Variants in R3HDM1 observed in about 807,000 individuals in gnomAD.
The protein encoded by R3HDM1 is R3H domain-containing protein 1.
A neutral mutation model predicts 141.1 loss-of-function variants in R3HDM1; 46 were observed. The ratio of observed to expected loss-of-function variants is 0.33; its 90% CI spans 0.26 to 0.42. The LOEUF is 0.42. Ranked by LOEUF, R3HDM1 falls within the 10% of genes least tolerant of loss-of-function variation. The pLI, the probability that R3HDM1 is intolerant of heterozygous loss-of-function variation, is 1.00. For synonymous variants in R3HDM1, 435 were observed against 472.9 expected (o/e 0.92, Z 1.04); for missense variants, 1,184 against 1,368.3 (o/e 0.87, Z 2.12).
chr2:135,624,943 CAG>C (rs1271115624), intron 7 of R3HDM1, among the ~76,000 whole-genome samples: 2 of 152,166 alleles, frequency 1.3e-5, no homozygotes, highest in African/African-American at 2.4e-5. Context: ...ATAGCAAAAA[CAG>C]GGCCTGGTGG....
At chr2:135,623,097 G>A (rs1356465939) in intron 7 of R3HDM1, 1 of 931,266 alleles carries the variant, frequency 1.1e-6, no homozygotes, top group Non-Finnish European at 1.3e-6. Context: ...AGTTTTTGAA[G>A]TTTTTAAATG....
chr2:135,615,156 T>C (rs529481914), intron 3 of R3HDM1, among the ~76,000 whole-genome samples: 1 of 152,306 alleles, frequency 6.6e-6, no homozygotes, highest in South Asian at 2.1e-4. Flanking sequence ...TGAAGAACTT[T>C]TGGCTCAAAA....
intron 18 of R3HDM1, among the ~76,000 whole-genome samples, chr2:135,659,049 C>CTGTG (rs548436817): frequency 0.026 from 3,340 of 126,424 alleles, 75 homozygotes; most frequent in African/African-American, 0.063. Context: ...CTACCTGAGT[C>CTGTG]TGTGTGTGTG....
chr2:135,680,137 A>C, intron 20 of R3HDM1, 36 bp from the exon 21 acceptor site: 3 of 1,597,302 alleles, frequency 1.9e-6, no homozygotes, highest in Non-Finnish European at 8.5e-7. Flanking sequence ...CCTTGAAAAA[A>C]ACCTTTTTCT....
chr2:135,640,285 A>G (rs982297925), intron 14 of R3HDM1, among the ~76,000 whole-genome samples: 2 of 152,214 alleles, frequency 1.3e-5, no homozygotes, highest in African/African-American at 4.8e-5. Context: ...ATATGGTTGT[A>G]TTGAAAATAT....
chr2:135,601,613 G>A (rs554457520), intron 1 of R3HDM1, among the ~76,000 whole-genome samples: 5 of 152,194 alleles, frequency 3.3e-5, no homozygotes, highest in East Asian at 1.9e-4. Flanking sequence ...CATTCATACC[G>A]AATAAATATA....
In R3HDM1 at chr2:135,679,506, T is replaced by C. The variant is rs1213026444; in HGVS notation, c.2308-667T>C. Among the ~76,000 whole-genome samples the C allele has an allele frequency of 4.6e-5, 7 of 152,220 alleles. No individual in the cohort carries two copies. In the South Asian group the frequency reaches 1.4e-3, roughly 31 times the overall value. On this transcript the variant is annotated intron_variant, in intron 20 of 26. Coordinates refer to ENST00000683871, the MANE Select transcript of R3HDM1 (RefSeq NM_001378107.1). ...TTTAAGCTCCAAAGCTCTCACTTTTTATGACCCACTGCGTCTCACTGCCAT... is the reference window on the plus strand; with the variant it reads ...TTTAAGCTCCAAAGCTCTCACTTTTCATGACCCACTGCGTCTCACTGCCAT...
At chr2:135,611,178 T>C (rs748166490) in intron 3 of R3HDM1, among the ~76,000 whole-genome samples, 1 of 150,412 alleles carries the variant, frequency 6.6e-6, no homozygotes, top group African/African-American at 2.4e-5. Flanking sequence ...TCCCAGCACG[T>C]TGGGAGGCCG....
chr2:135,654,009 CA>C (rs1318729902), intron 18 of R3HDM1, among the ~76,000 whole-genome samples: 1 of 152,076 alleles, frequency 6.6e-6, no homozygotes, highest in East Asian at 1.9e-4. Flanking sequence ...TTTATGTGAA[CA>C]TTTTAGTTGC....
chr2:135,721,099 C>T (rs2076658472), intron 24 of R3HDM1, among the ~76,000 whole-genome samples: 1 of 152,204 alleles, frequency 6.6e-6, no homozygotes, highest in South Asian at 2.1e-4. Context: ...ACCATGCACC[C>T]TCCTTCCTAA....
chr2:135,563,279 T>A (rs1702119503), intron 1 of R3HDM1, among the ~76,000 whole-genome samples: 1 of 152,200 alleles, frequency 6.6e-6, no homozygotes, highest in South Asian at 2.1e-4. Context: ...AACTTAAGAA[T>A]TGCCTTTTAA....
chr2:135,652,551 G>C (rs1245177592), intron 18 of R3HDM1, among the ~76,000 whole-genome samples: 2 of 152,190 alleles, frequency 1.3e-5, no homozygotes, highest in African/African-American at 4.8e-5. Context: ...GATTCAGTTT[G>C]CTAATATTTG....
At chr2:135,601,422 A>C (rs1425783212) in intron 1 of R3HDM1, among the ~76,000 whole-genome samples, 1 of 152,186 alleles carries the variant, frequency 6.6e-6, no homozygotes, top group African/African-American at 2.4e-5. Flanking sequence ...TTACTCTATA[A>C]TGCATGCTTG....
At chr2:135,552,252 A>G (rs1301051833) in intron 1 of R3HDM1, among the ~76,000 whole-genome samples, 1 of 151,784 alleles carries the variant, frequency 6.6e-6, no homozygotes, top group African/African-American at 2.4e-5. Context: ...CTGGAGTGCA[A>G]TGGCATGATC....
chr2:135,632,747 C>T (rs1394348628), intron 9 of R3HDM1, among the ~76,000 whole-genome samples: 3 of 152,146 alleles, frequency 2.0e-5, no homozygotes, highest in Non-Finnish European at 4.4e-5. Flanking sequence ...ATTTGCCTAT[C>T]GAAAGGAATT....
Position 135,667,792 on chromosome 2 carries a change from G to T in R3HDM1, c.2152+6399G>T, listed in dbSNP as rs13428025. The T allele has an allele frequency of 7.1e-3, 6,835 of 959,220 alleles. 266 individuals are homozygous for T. In the African/African-American group the frequency reaches 0.09, roughly 13 times the overall value. The allele number at this position is 959,220 out of a possible 1,614,324, so 59.4% of individuals were successfully genotyped here. On this transcript the variant is annotated intron_variant, in intron 19 of 26. Transcript: ENST00000683871. ...GGATTTTTCTTTCTCAAACTTGGCA[G>T]TCTTCAAACTATACTTTTGACACTA...
At chr2:135,577,204 T>TA (rs1705645148) in intron 1 of R3HDM1, 2 of 983,266 alleles carry the variant, frequency 2.0e-6, no homozygotes, top group East Asian at 1.1e-4. Context: ...GATTGACAAA[T>TA]ACGTCTATAT....
Position 135,678,230 on chromosome 2 carries a change from C to A in R3HDM1, c.2308-1943C>A, listed in dbSNP as rs892741976. Among the ~76,000 whole-genome samples, 4 of 151,894 alleles carry A rather than the reference C, an allele frequency of 2.6e-5. No homozygotes were observed. In the South Asian group the frequency reaches 6.3e-4, roughly 24 times the overall value. ...CTACCCTCCTTGGCCTCCCAAAGTG[C>A]TGGGATTACAGGCATGAGCCACTGC... is the stretch of plus-strand genomic sequence containing the variant. On this transcript the variant is annotated intron_variant, in intron 20 of 26. Coordinates refer to ENST00000683871, the MANE Select transcript of R3HDM1 (RefSeq NM_001378107.1).
intron 1 of R3HDM1, among the ~76,000 whole-genome samples, chr2:135,539,210 A>G (rs1018587552): frequency 2.0e-5 from 3 of 152,254 alleles, no homozygotes; most frequent in African/African-American, 7.2e-5. Context: ...AATACACTCT[A>G]AAATAATGAT....
Sources: gnomAD v4.1 joint callset for allele counts (sites outside exome capture counted in the v4.1 genomes callset) on GRCh38, gnomAD v4.1.1 for gene constraint, MANE v1.5 for transcripts, NCBI Gene and HGNC (gene_info 2026-07-23, HGNC 2026-07-21) for gene names.